XYLB: variants seen among roughly 807,000 people sequenced by gnomAD.
The protein encoded by XYLB is xylulose kinase.
A neutral mutation model predicts 78.7 loss-of-function variants in XYLB; 62 were observed. The ratio of observed to expected loss-of-function variants is 0.79; its 90% CI spans 0.64 to 0.97. The LOEUF is 0.97. XYLB is among the 50% of genes least tolerant of loss of function. The probability of loss-of-function intolerance (pLI) is 0.00; values close to 1 mark genes in which losing one functional copy is unlikely to be tolerated. For synonymous variants in XYLB, 245 were observed against 247.4 expected, an observed-to-expected ratio of 0.99 and a Z score of 0.09; for missense variants, 687 against 676.8, an observed-to-expected ratio of 1.02 and a Z score of -0.17.
At position 38,395,043 on chromosome 3, in the gene XYLB, T is replaced by C. The variant is rs532141485; in HGVS notation, c.1292-462T>C. Among the ~76,000 whole-genome samples, 4 of 152,244 alleles carry C rather than the reference T, an allele frequency of 2.6e-5. No individual in the cohort carries two copies. The East Asian group carries it at 7.7e-4, about 29-fold the overall frequency. On this transcript the variant is annotated intron_variant, in intron 15 of 18. Coordinates refer to ENST00000207870, the MANE Select transcript of XYLB (RefSeq NM_005108.4). ...ACTTCATCATTTACACAAGGTTCTA[T>C]TGGGTATACAAGTCGGCCCTATTGA...
intron 14 of XYLB, 91 bp from the exon 15 acceptor site, chr3:38,379,155 T>C: frequency 7.5e-7 from 1 of 1,329,908 alleles, no homozygotes; most frequent in South Asian, 1.2e-5. Context: ...TCTGGGCTGT[T>C]GTTTAAAAAG....
At chr3:38,410,347 C>G (rs1376123538) in intron 18 of XYLB, among the ~76,000 whole-genome samples, 1 of 152,190 alleles carries the variant, frequency 6.6e-6, no homozygotes, top group Admixed American at 6.5e-5. Context: ...AAAGCTGAAA[C>G]TGGATCCCTT....
At chr3:38,353,825 T>A (rs1170379761) in intron 2 of XYLB, among the ~76,000 whole-genome samples, 2 of 147,598 alleles carry the variant, frequency 1.4e-5, no homozygotes, top group African/African-American at 2.5e-5. Context: ...AGGCAGAGGT[T>A]GCAGTGAGCT....
chr3:38,448,911 T>A, the XYLB span, among the ~76,000 whole-genome samples: 33 of 152,296 alleles, frequency 2.2e-4, no homozygotes, highest in African/African-American at 7.0e-4. Flanking sequence ...GTATGTCATA[T>A]ACCCTGTTGT....
At chr3:38,409,066 G>C (rs547000893) in intron 18 of XYLB, among the ~76,000 whole-genome samples, 3 of 152,058 alleles carry the variant, frequency 2.0e-5, no homozygotes, top group African/African-American at 7.2e-5. Context: ...TACCAAAGCC[G>C]GGCAGAGACA....
intron 13 of XYLB, 55 bp from the exon 14 acceptor site, chr3:38,376,863 C>A: frequency 6.6e-7 from 1 of 1,506,690 alleles, no homozygotes; most frequent in Non-Finnish European, 9.2e-7. Context: ...TGTTAAGAAG[C>A]TGATCTTTTG....
chr3:38,443,192 C>T, the XYLB span, among the ~76,000 whole-genome samples: 1 of 152,148 alleles, frequency 6.6e-6, no homozygotes, highest in South Asian at 2.1e-4. Flanking sequence ...GAGAGGGCCG[C>T]ACCAGTATCC....
intron 15 of XYLB, among the ~76,000 whole-genome samples, chr3:38,388,169 G>GTT (rs71085320): frequency 5.5e-5 from 6 of 109,344 alleles, no homozygotes; most frequent in African/African-American, 1.6e-4. Flanking sequence ...GTTTTTTTTT[G>GTT]TTTTTTTTTT....
At position 38,379,310 on chromosome 3, in the gene XYLB, G is replaced by C. The variant is rs756740415; in HGVS notation, c.1259G>C (p.Arg420Thr). The change falls in exon 15 of 19, where the codon AGG becomes ACG. Residue 420 changes from arginine to threonine, a missense_variant. Physicochemically the swap from Arg to Thr is moderately conservative, Grantham distance 71 (BLOSUM62 -1). Coordinates refer to ENST00000207870, the MANE Select transcript of XYLB (RefSeq NM_005108.4). ...ALIEGQFMAK[R>T]IHAEGLGYRV... Reference sequence around the variant, plus strand: ...ATTGAAGGACAATTCATGGCCAAGAGGATTCACGCAGAAGGCCTGGGCTAT... The same window carrying C: ...ATTGAAGGACAATTCATGGCCAAGACGATTCACGCAGAAGGCCTGGGCTAT... 6.2e-7 allele frequency: 1 copy of C among 1,614,052 alleles called. No individual in the cohort carries two copies. Among genetic ancestry groups the C allele is most frequent in the South Asian group, 1.1e-5 (1 of 91,086 alleles).
rs1559608668 is a variant in XYLB, at chr3:38,395,502, C to T, written c.1292-3C>T. On this transcript the variant is annotated splice_region_variant and splice_polypyrimidine_tract_variant and intron_variant, in intron 15 of 18. Coordinates refer to ENST00000207870, the MANE Select transcript of XYLB (RefSeq NM_005108.4). ...TATTTTACTTTTTTCTTTTCCCTTG[C>T]AGTGTCCAAGACAAAGATTTTGGCC... 3 of 1,614,172 alleles carry T rather than the reference C, an allele frequency of 1.9e-6. No individual in the cohort carries two copies. Among genetic ancestry groups the T allele is most frequent in the Admixed American group, 1.7e-5 (1 of 60,026 alleles).
At chr3:38,439,710 C>T in the XYLB span, among the ~76,000 whole-genome samples, 3 of 150,584 alleles carry the variant, frequency 2.0e-5, no homozygotes, top group Non-Finnish European at 4.4e-5. Flanking sequence ...TGCAGTGAGC[C>T]GAGATAGCGC....
intron 15 of XYLB, among the ~76,000 whole-genome samples, chr3:38,383,759 C>G (rs1286156707): frequency 1.3e-5 from 2 of 152,168 alleles, no homozygotes; most frequent in African/African-American, 2.4e-5. Flanking sequence ...CACCACTTCA[C>G]TCTAGCCTGG....
chr3:38,350,150 C>T (rs1203250177), intron 2 of XYLB, among the ~76,000 whole-genome samples: 3 of 152,228 alleles, frequency 2.0e-5, no homozygotes, highest in African/African-American at 7.2e-5. Context: ...TTGAAGCCTT[C>T]CCAGCTGACC....
chr3:38,372,532 A>G (rs1366624243), intron 9 of XYLB, 123 bp from the exon 10 acceptor site: 3 of 1,537,810 alleles, frequency 2.0e-6, no homozygotes, highest in Non-Finnish European at 2.6e-6. Context: ...GCTCTGCAAA[A>G]GATTCCTTCA....
chr3:38,426,073 A>C (rs1709093993), downstream of XYLB, among the ~76,000 whole-genome samples: 1 of 152,174 alleles, frequency 6.6e-6, no homozygotes, highest in Non-Finnish European at 1.5e-5. Flanking sequence ...TTTCATTGCT[A>C]CTTTAATTTT....
chr3:38,451,019 G>C, the XYLB span: 1 of 152,194 alleles, frequency 6.6e-6, no homozygotes, highest in Non-Finnish European at 1.5e-5. Flanking sequence ...TCACTGAGAT[G>C]ACAAGTATTG....
At chr3:38,395,271 C>CA (rs529867142) in intron 15 of XYLB, among the ~76,000 whole-genome samples, 2 of 151,932 alleles carry the variant, frequency 1.3e-5, no homozygotes, top group Non-Finnish European at 2.9e-5. Flanking sequence ...ATATTTAAAA[C>CA]AAAAAAAGTA....
At chr3:38,361,006 G>A (rs1198815102) in intron 3 of XYLB, among the ~76,000 whole-genome samples, 2 of 152,118 alleles carry the variant, frequency 1.3e-5, no homozygotes, top group African/African-American at 2.4e-5. Context: ...TTGCACTCCA[G>A]CCTGGATAAC....
At chr3:38,417,323 G>A (rs917434443), downstream of XYLB, among the ~76,000 whole-genome samples, 3 of 151,904 alleles carry the variant, frequency 2.0e-5, no homozygotes, top group African/African-American at 7.3e-5. Flanking sequence ...AGAAATTTAT[G>A]ACTCTTCTAG....
Sources: allele counts gnomAD v4.1 joint callset (sites outside exome capture counted in the v4.1 genomes callset), GRCh38; gene constraint gnomAD v4.1.1; transcripts MANE v1.5; gene names NCBI Gene and HGNC (gene_info 2026-07-23, HGNC 2026-07-21).